Variants in SRGAP3 observed in about 807,000 individuals in gnomAD.
The protein encoded by SRGAP3 is SLIT-ROBO Rho GTPase activating protein 3.
SRGAP3 carries 39 observed loss-of-function variants against 121.1 expected under a neutral mutation model. The observed-to-expected ratio is 0.32, with a 90% confidence interval of 0.25 to 0.42. SRGAP3 has a LOEUF of 0.42. Ranked by LOEUF, SRGAP3 falls within the 10% of genes least tolerant of loss-of-function variation. The pLI is 1.00. For synonymous variants in SRGAP3, 601 were observed against 570.0 expected (o/e 1.05, Z -0.77); for missense variants, 1,213 against 1,470.6 (o/e 0.82, Z 2.86).
intron 17 of SRGAP3, among the ~76,000 whole-genome samples, chr3:9,010,908 T>A (rs1380201415): frequency 6.6e-6 from 1 of 152,212 alleles, no homozygotes; most frequent in Non-Finnish European, 1.5e-5. Context: ...CTGGCAACCA[T>A]GATGGGCATA....
chr3:9,316,911 G>A (rs1200765534), intron 3 of SRGAP3, among the ~76,000 whole-genome samples: 1 of 152,068 alleles, frequency 6.6e-6, no homozygotes, highest in Non-Finnish European at 1.5e-5. Flanking sequence ...CTGAGAAACT[G>A]GGACTTCCCT....
At chr3:9,325,093 T>A (rs74396356) in intron 3 of SRGAP3, among the ~76,000 whole-genome samples, 3,099 of 152,006 alleles carry the variant, frequency 0.02, 72 homozygotes, top group Middle Eastern at 0.058. Flanking sequence ...TAGGGTACAA[T>A]GTCCTCATGG....
intron 1 of SRGAP3, among the ~76,000 whole-genome samples, chr3:9,168,401 G>A (rs1435132702): frequency 1.3e-5 from 2 of 152,206 alleles, no homozygotes; most frequent in African/African-American, 4.8e-5. Flanking sequence ...CTCAGGACTG[G>A]AGCTGAGGCC....
intron 1 of SRGAP3, among the ~76,000 whole-genome samples, chr3:9,171,599 C>A (rs1215688871): frequency 6.6e-6 from 1 of 152,170 alleles, no homozygotes; most frequent in African/African-American, 2.4e-5. Context: ...TATTAAAATT[C>A]TTATTAAAGT....
At chr3:9,056,157 G>T in intron 8 of SRGAP3, 76 bp downstream of exon 8, 1 of 1,351,882 alleles carries the variant, frequency 7.4e-7, no homozygotes, top group Non-Finnish European at 1.1e-6. Flanking sequence ...TATGCACTTC[G>T]TGGCACAAGT....
At chr3:9,242,609 T>C (rs1339132529) in intron 1 of SRGAP3, among the ~76,000 whole-genome samples, 5 of 152,242 alleles carry the variant, frequency 3.3e-5, no homozygotes, top group Non-Finnish European at 7.3e-5. Context: ...CACTCCAGGC[T>C]GGAAGACAGA....
At chr3:9,090,233 G>A (rs567788328) in intron 3 of SRGAP3, among the ~76,000 whole-genome samples, 11 of 152,188 alleles carry the variant, frequency 7.2e-5, no homozygotes, top group South Asian at 4.2e-4. Flanking sequence ...TAGAGCACAC[G>A]CACCCTAAAG....
At chr3:9,186,934 T>A (rs1276270157) in intron 1 of SRGAP3, among the ~76,000 whole-genome samples, 1 of 152,202 alleles carries the variant, frequency 6.6e-6, no homozygotes, top group Admixed American at 6.5e-5. Context: ...ACGTTCTTAC[T>A]TTTCCTTCAG....
rs1406684816 is a variant in SRGAP3 at position 9,348,559 on chromosome 3, G to C, written n.214+14281C>G. ...GCCCAGCGGGCCATAAGGAGGCGAAGTGTGGCAGGCAGGTGCTGTGAGAAG... is the reference window on the plus strand; with the variant it reads ...GCCCAGCGGGCCATAAGGAGGCGAACTGTGGCAGGCAGGTGCTGTGAGAAG... On this transcript the variant is annotated intron_variant and non_coding_transcript_variant, in intron 1 of 3. Coordinates refer to the SRGAP3 transcript ENST00000490889. The C allele has an allele frequency of 5.1e-6, 4 of 791,186 alleles. No individual in the cohort carries two copies. The East Asian group carries it at 9.8e-5, about 19-fold the overall frequency. 49.0% of individuals were successfully genotyped at this position (791,186 alleles called of 1,614,324 possible).
At position 9,341,853 on chromosome 3, in the gene SRGAP3, T is replaced by C. The variant is rs1207531747; in HGVS notation, n.215-11257A>G. ...TTTCTGGTAGACATGGATTGAAGTATGGCTGTAAATGTCACATTTGTCTTC... is the reference window on the plus strand; with the variant it reads ...TTTCTGGTAGACATGGATTGAAGTACGGCTGTAAATGTCACATTTGTCTTC... On this transcript the variant is annotated intron_variant and non_coding_transcript_variant, in intron 1 of 3. Transcript: ENST00000490889. 2.0e-5 allele frequency among the ~76,000 whole-genome samples: 3 copies of C among 152,154 alleles called. No homozygotes were observed. In the East Asian group the frequency reaches 5.8e-4, roughly 29 times the overall value.
intron 3 of SRGAP3, among the ~76,000 whole-genome samples, chr3:9,306,846 A>G (rs1240257051): frequency 6.6e-6 from 1 of 151,728 alleles, no homozygotes; most frequent in African/African-American, 2.4e-5. Context: ...ATGTCATTCT[A>G]TAAAGTATTT....
chr3:9,205,069 T>C (rs1311770029), intron 1 of SRGAP3, among the ~76,000 whole-genome samples: 1 of 152,118 alleles, frequency 6.6e-6, no homozygotes, highest in Non-Finnish European at 1.5e-5. Flanking sequence ...TCCCTTCGGA[T>C]CCCAGACCCA....
chr3:9,136,505 G>T (rs1470158522), intron 1 of SRGAP3, among the ~76,000 whole-genome samples: 1 of 151,756 alleles, frequency 6.6e-6, no homozygotes, highest in African/African-American at 2.4e-5. Flanking sequence ...TCGCAGACGC[G>T]AGCAAGCTCC....
chr3:9,025,913 G>A (rs370477), intron 13 of SRGAP3, among the ~76,000 whole-genome samples: 89,588 of 151,990 alleles, frequency 0.59, 26,820 homozygotes, highest in African/African-American at 0.68. Context: ...TTATAATTTA[G>A]GAAGTATTTA....
intron 4 of SRGAP3, among the ~76,000 whole-genome samples, chr3:9,067,862 T>C (rs1484564707): frequency 6.6e-6 from 1 of 152,120 alleles, no homozygotes; most frequent in Non-Finnish European, 1.5e-5. Context: ...GGAACTGGCA[T>C]ACAGAGAGGA....
At chr3:9,012,328 A>G (rs1258950058) in intron 17 of SRGAP3, among the ~76,000 whole-genome samples, 2 of 152,234 alleles carry the variant, frequency 1.3e-5, no homozygotes, top group African/African-American at 4.8e-5. Context: ...ACCTAAATAT[A>G]TAGCTGTGTG....
intron 1 of SRGAP3, chr3:9,217,995 G>T (rs1952689996): frequency 6.6e-6 from 1 of 152,208 alleles, no homozygotes; most frequent in East Asian, 1.9e-4. Context: ...CAGGGAAAAA[G>T]CTAACACAAC....
At chr3:9,274,887 C>G (rs1954542416) in intron 3 of SRGAP3, among the ~76,000 whole-genome samples, 1 of 152,210 alleles carries the variant, frequency 6.6e-6, no homozygotes, top group Non-Finnish European at 1.5e-5. Flanking sequence ...TGACATCCAG[C>G]TGCTTCTCCT....
At chr3:9,184,033 G>A (rs998025838) in intron 1 of SRGAP3, among the ~76,000 whole-genome samples, 11 of 151,966 alleles carry the variant, frequency 7.2e-5, no homozygotes, top group East Asian at 3.9e-4. Context: ...GAATGCTTTC[G>A]GGGGCCCTTT....
Sources: allele counts gnomAD v4.1 joint callset (sites outside exome capture counted in the v4.1 genomes callset), GRCh38; gene constraint gnomAD v4.1.1; transcripts MANE v1.5; gene names NCBI Gene and HGNC (gene_info 2026-07-23, HGNC 2026-07-21).